Variants in TANGO6 observed in about 807,000 individuals in gnomAD.
The protein encoded by TANGO6 is transport and golgi organization 6 homolog, also known as transport and Golgi organization protein 6 homolog.
Under a neutral mutation model 114.2 loss-of-function variants are expected in TANGO6, and 90 were observed. The ratio of observed to expected loss-of-function variants is 0.79; its 90% CI spans 0.66 to 0.94. TANGO6 has a LOEUF of 0.94. Among genes scored for constraint, TANGO6 ranks in the 40% least tolerant of loss-of-function variants. The pLI is 0.00. For missense variants in TANGO6, 1,274 were observed against 1,315.3 expected (o/e 0.97, Z 0.49); for synonymous variants, 477 against 509.8 (o/e 0.94, Z 0.87).
chr16:68,851,224 A>G (rs56695553), intron 1 of TANGO6, among the ~76,000 whole-genome samples: 14,727 of 152,084 alleles, frequency 0.097, 809 homozygotes, highest in Non-Finnish European at 0.13. Context: ...CAGTGGCGCA[A>G]TCTCGGCTCA....
intron 17 of TANGO6, among the ~76,000 whole-genome samples, chr16:69,059,164 T>A (rs1324156707): frequency 6.6e-6 from 1 of 150,710 alleles, no homozygotes; most frequent in African/African-American, 2.4e-5. Flanking sequence ...AACCTCTGCC[T>A]CCCGGGTTCA....
chr16:68,956,087 G>T (rs1963527526), intron 14 of TANGO6, among the ~76,000 whole-genome samples: 1 of 152,180 alleles, frequency 6.6e-6, no homozygotes, highest in Non-Finnish European at 1.5e-5. Context: ...GGAGGTGGAG[G>T]TTGCAGTGGG....
chr16:68,871,816 C>T (rs1488373941), intron 4 of TANGO6, among the ~76,000 whole-genome samples: 2 of 152,170 alleles, frequency 1.3e-5, no homozygotes, highest in Admixed American at 1.3e-4. Flanking sequence ...GACAGGGTTT[C>T]GACATATTGC....
intron 14 of TANGO6, among the ~76,000 whole-genome samples, chr16:68,973,411 C>T (rs141991717): frequency 5.7e-4 from 86 of 152,172 alleles, no homozygotes; most frequent in African/African-American, 1.9e-3. Flanking sequence ...TGAGGCCAAC[C>T]AGGGGTTTTG....
intron 15 of TANGO6, among the ~76,000 whole-genome samples, chr16:69,002,227 AGAAATAATTCAG>A (rs1238419939): frequency 6.6e-6 from 1 of 152,178 alleles, no homozygotes; most frequent in Non-Finnish European, 1.5e-5. Context: ...AACGGACAGG[AGAAATAATTCAG>A]TTGACTGAGA....
chr16:68,990,158 G>A (rs1427404796), intron 15 of TANGO6, among the ~76,000 whole-genome samples: 1 of 151,436 alleles, frequency 6.6e-6, no homozygotes, highest in Non-Finnish European at 1.5e-5. Flanking sequence ...TCAGCCTCTT[G>A]AGTAGCTGAG....
chr16:69,065,838 C>T (rs1216165072), intron 17 of TANGO6, among the ~76,000 whole-genome samples: 1 of 152,138 alleles, frequency 6.6e-6, no homozygotes, highest in African/African-American at 2.4e-5. Flanking sequence ...TTTTCATAGA[C>T]CCATCAAAGT....
intron 1 of TANGO6, 130 bp downstream of exon 1, chr16:68,843,841 G>A (rs377470807): frequency 3.6e-6 from 3 of 834,440 alleles, no homozygotes; most frequent in East Asian, 5.0e-5. Context: ...GCTGCTGGGG[G>A]CTTTGAGCAT....
At chr16:69,043,094 C>T (rs143458250) in intron 17 of TANGO6, among the ~76,000 whole-genome samples, 247 of 152,136 alleles carry the variant, frequency 1.6e-3, no homozygotes, top group Non-Finnish European at 2.8e-3. Context: ...GGTGTGGTGG[C>T]ATCTGCCTGT....
At chr16:68,877,208 G>A (rs981851777) in intron 5 of TANGO6, among the ~76,000 whole-genome samples, 4 of 152,042 alleles carry the variant, frequency 2.6e-5, no homozygotes, top group East Asian at 3.9e-4. Flanking sequence ...GGTGGCTCAC[G>A]CCTGTAATCC....
chr16:68,884,026 C>T (rs1284206440), intron 7 of TANGO6, among the ~76,000 whole-genome samples: 4 of 152,112 alleles, frequency 2.6e-5, no homozygotes, highest in Admixed American at 6.6e-5. Flanking sequence ...TCTCCTGCTT[C>T]AGCCTCCCCA....
At chr16:68,909,630 A>G in intron 11 of TANGO6, 2 of 354,510 alleles carry the variant, frequency 5.6e-6, no homozygotes, top group Non-Finnish European at 9.9e-6. Flanking sequence ...TTCTCATGCA[A>G]GTAAAATTTT....
intron 17 of TANGO6, among the ~76,000 whole-genome samples, chr16:69,043,540 C>G (rs1254687152): frequency 6.6e-6 from 1 of 152,110 alleles, no homozygotes; most frequent in Non-Finnish European, 1.5e-5. Flanking sequence ...CTCACTGAAA[C>G]TTATAAGTTG....
intron 15 of TANGO6, 75 bp downstream of exon 15, chr16:68,974,243 T>C: frequency 1.3e-6 from 2 of 1,567,274 alleles, no homozygotes; most frequent in South Asian, 1.1e-5. Flanking sequence ...TGTGTGTACC[T>C]GGGGGCTTGT....
At chr16:68,859,659 C>T (rs1962056844) in intron 1 of TANGO6, among the ~76,000 whole-genome samples, 3 of 152,168 alleles carry the variant, frequency 2.0e-5, no homozygotes, top group South Asian at 2.1e-4. Context: ...TGAACTGTAA[C>T]GTTAGTACAC....
intron 4 of TANGO6, 196 bp downstream of exon 4, chr16:68,867,416 T>TC (rs1962195604): frequency 3.3e-6 from 2 of 598,310 alleles, no homozygotes; most frequent in Admixed American, 3.3e-5. Flanking sequence ...CTTGCTCTTT[T>TC]CCTAAAACAC....
chr16:69,063,063 A>G (rs1407243058), intron 17 of TANGO6, among the ~76,000 whole-genome samples: 1 of 151,976 alleles, frequency 6.6e-6, no homozygotes, highest in Non-Finnish European at 1.5e-5. Flanking sequence ...CCCCGTCTCT[A>G]CTAAAAATAC....
At chr16:68,969,935 G>A (rs1963686086) in intron 14 of TANGO6, among the ~76,000 whole-genome samples, 1 of 152,054 alleles carries the variant, frequency 6.6e-6, no homozygotes, top group Non-Finnish European at 1.5e-5. Context: ...TTCTTGTGTG[G>A]GCTTTTTCCA....
rs894746933 is a variant in TANGO6, at chr16:68,987,141, G to A, written c.2842+12973G>A. ...TTATTCAACCATTTTTCTGTGGATG[G>A]GTATCCATTTTTTTCTATTTTTTTT... On this transcript the variant is annotated intron_variant, in intron 15 of 17. Coordinates refer to ENST00000261778, the MANE Select transcript of TANGO6 (RefSeq NM_024562.2). 9.4e-5 allele frequency among the ~76,000 whole-genome samples: 11 copies of A among 117,250 alleles called. No homozygotes were observed. In the South Asian group the frequency reaches 2.5e-3, roughly 26 times the overall value. The allele number at this position is 117,250 out of a possible 152,430, so 76.9% of individuals were successfully genotyped here. A position where few individuals can be genotyped will look rare whatever the true frequency, so the allele number is the denominator to read the frequency against.
Sources: allele counts gnomAD v4.1 joint callset (sites outside exome capture counted in the v4.1 genomes callset), GRCh38; gene constraint gnomAD v4.1.1; transcripts MANE v1.5; gene names NCBI Gene and HGNC (gene_info 2026-07-23, HGNC 2026-07-21).